Variants in EFCAB5 observed in about 807,000 individuals in gnomAD.
The protein encoded by EFCAB5 is EF-hand calcium-binding domain-containing protein 5.
In EFCAB5, 131 loss-of-function variants were observed where a neutral mutation model predicts 167.9. The ratio of observed to expected loss-of-function variants is 0.78; its 90% CI spans 0.68 to 0.90. The LOEUF (loss-of-function observed/expected upper bound fraction) is 0.90, where lower values mean the gene tolerates loss of function less well. EFCAB5 is among the 40% of genes least tolerant of loss of function. The pLI is 0.00. For missense variants in EFCAB5, 1,663 were observed against 1,745.2 expected, an observed-to-expected ratio of 0.95 and a Z score of 0.84; for synonymous variants, 574 against 602.8, an observed-to-expected ratio of 0.95 and a Z score of 0.70.
At chr17:30,035,160 T>A (rs1240126449) in intron 8 of EFCAB5, among the ~76,000 whole-genome samples, 1 of 152,226 alleles carries the variant, frequency 6.6e-6, no homozygotes, top group Admixed American at 6.5e-5. Context: ...AAATCTGAAA[T>A]GTCTATGTGT....
At chr17:30,050,871 C>T (rs1228418888) in intron 8 of EFCAB5, among the ~76,000 whole-genome samples, 1 of 152,174 alleles carries the variant, frequency 6.6e-6, no homozygotes, top group Non-Finnish European at 1.5e-5. Flanking sequence ...ATCAATAAGT[C>T]AGTCACAAAT....
At chr17:30,068,566 C>A (rs1228839658) in intron 14 of EFCAB5, 2 of 881,514 alleles carry the variant, frequency 2.3e-6, no homozygotes, top group Non-Finnish European at 3.4e-6. Flanking sequence ...AATGACCATA[C>A]TACCGCTGTC....
chr17:30,041,406 G>T (rs1163592981), intron 8 of EFCAB5, among the ~76,000 whole-genome samples: 2 of 152,192 alleles, frequency 1.3e-5, no homozygotes, highest in Non-Finnish European at 2.9e-5. Context: ...AAGAAAACTA[G>T]AATTATAAAT....
chr17:30,081,082 T>C (rs2070980433), intron 17 of EFCAB5, 101 bp downstream of exon 17: 5 of 869,620 alleles, frequency 5.7e-6, no homozygotes, highest in African/African-American at 1.7e-5. Flanking sequence ...AAGCTGTGTA[T>C]ACAGATAACA....
In EFCAB5 at chr17:30,073,709, TAA is replaced by T. The variant is rs939018938; in HGVS notation, c.2738-4505_2738-4504del. ...TCCATAAAATGAGATGCAAAAATTT[TAA>T]GTGTATATTTGCTGAGTTTTGACAA... On this transcript the variant is annotated intron_variant, in intron 14 of 22. Coordinates refer to ENST00000394835, the MANE Select transcript of EFCAB5 (RefSeq NM_198529.4). 7 of 714,818 alleles carry T rather than the reference TAA, an allele frequency of 9.8e-6. No individual in the cohort carries two copies. In the African/African-American group the frequency reaches 1.2e-4, roughly 13 times the overall value. The allele number at this position is 714,818 out of a possible 1,614,324, so 44.3% of individuals were successfully genotyped here.
At chr17:29,967,889 T>A (rs2067864879) in intron 3 of EFCAB5, among the ~76,000 whole-genome samples, 3 of 126,032 alleles carry the variant, frequency 2.4e-5, no homozygotes, top group African/African-American at 9.5e-5. Context: ...TTTCCTCACC[T>A]TTTTTTTTTT....
At chr17:30,027,035 G>A (rs2069344846) in intron 7 of EFCAB5, among the ~76,000 whole-genome samples, 1 of 126,686 alleles carries the variant, frequency 7.9e-6, no homozygotes, top group Non-Finnish European at 1.6e-5. Context: ...CGCCCAGGCT[G>A]GAGTGCAGTG....
At chr17:30,072,963 T>C (rs1009663865) in intron 14 of EFCAB5, 1 of 486,392 alleles carries the variant, frequency 2.1e-6, no homozygotes, top group African/African-American at 2.0e-5. Context: ...ATTATCACTA[T>C]TTGTTTTGAT....
chr17:29,985,069 T>C (rs1183666282), intron 4 of EFCAB5, among the ~76,000 whole-genome samples: 1 of 152,232 alleles, frequency 6.6e-6, no homozygotes, highest in Non-Finnish European at 1.5e-5. Flanking sequence ...CCAGCGACTA[T>C]TTTTATTATT....
At chr17:30,082,104 G>A (rs1046672491) in intron 17 of EFCAB5, among the ~76,000 whole-genome samples, 28 of 152,208 alleles carry the variant, frequency 1.8e-4, no homozygotes, top group African/African-American at 6.3e-4. Flanking sequence ...AGAGGACTAC[G>A]TAATCTAGCA....
At chr17:30,058,214 T>A (rs1472325733) in intron 13 of EFCAB5, among the ~76,000 whole-genome samples, 1 of 152,166 alleles carries the variant, frequency 6.6e-6, no homozygotes, top group African/African-American at 2.4e-5. Flanking sequence ...TGCCTGTGTG[T>A]GAGTGTCTTT....
At chr17:29,976,928 A>G (rs2068073978) in intron 4 of EFCAB5, among the ~76,000 whole-genome samples, 1 of 152,170 alleles carries the variant, frequency 6.6e-6, no homozygotes, top group East Asian at 1.9e-4. Context: ...TGAAAAATAC[A>G]GTATCACTGC....
chr17:29,985,405 C>A (rs2068259954), intron 4 of EFCAB5, among the ~76,000 whole-genome samples: 1 of 152,286 alleles, frequency 6.6e-6, no homozygotes, highest in South Asian at 2.1e-4. Flanking sequence ...AATGCTGAGA[C>A]CAGCTCAGTC....
Position 30,053,798 on chromosome 17 carries a change from AACAAGATCGAC to A in EFCAB5, c.1849_1859del (p.Asp617ArgfsTer57). 6.2e-7 allele frequency: 1 copy of A among 1,613,988 alleles called. No homozygotes were observed. Among genetic ancestry groups the A allele is most frequent in the Non-Finnish European group, 8.5e-7 (1 of 1,179,884 alleles). ...GGGTCACGCAGAGAGTCTATTGCAG[AACAAGATCGAC>A]ACAAAGGGTCAGTAGCAGAACAAGG... On this transcript the variant is annotated frameshift_variant, in exon 10 of 23. Transcript: ENST00000394835. LOFTEE classifies it high-confidence loss of function.
chr17:30,065,569 G>A (rs1305914834), intron 14 of EFCAB5: 1 of 152,202 alleles, frequency 6.6e-6, no homozygotes, highest in Admixed American at 6.5e-5. Flanking sequence ...GCTGACGTGG[G>A]AGAATTGCTT....
chr17:29,965,937 A>G (rs2067818778), intron 3 of EFCAB5, among the ~76,000 whole-genome samples: 1 of 152,116 alleles, frequency 6.6e-6, no homozygotes, highest in Admixed American at 6.6e-5. Flanking sequence ...ATTTTCATTG[A>G]TAACTAAAAA....
intron 7 of EFCAB5, among the ~76,000 whole-genome samples, chr17:30,029,733 C>T (rs925618731): frequency 1.3e-5 from 2 of 152,138 alleles, no homozygotes; most frequent in African/African-American, 2.4e-5. Context: ...TTACAAATAC[C>T]GTTTGGAAGT....
chr17:29,956,475 G>A (rs1239248713), intron 3 of EFCAB5, among the ~76,000 whole-genome samples: 1 of 152,250 alleles, frequency 6.6e-6, no homozygotes, highest in Non-Finnish European at 1.5e-5. Flanking sequence ...AAGCTGGTTT[G>A]AACAGCTGAC....
chr17:30,107,415 G>A (rs1018354756), intron 22 of EFCAB5, among the ~76,000 whole-genome samples: 4 of 151,928 alleles, frequency 2.6e-5, no homozygotes, highest in African/African-American at 7.3e-5. Flanking sequence ...CTGTCTTCTC[G>A]TCTTTCCCTA....
Sources: gnomAD v4.1 joint callset for allele counts (sites outside exome capture counted in the v4.1 genomes callset) on GRCh38, gnomAD v4.1.1 for gene constraint, MANE v1.5 for transcripts, NCBI Gene and HGNC (gene_info 2026-07-23, HGNC 2026-07-21) for gene names.